Variants in TTLL11 observed in about 807,000 individuals in gnomAD.
The protein encoded by TTLL11 is tubulin polyglutamylase TTLL11.
A neutral mutation model predicts 51.7 loss-of-function variants in TTLL11; 42 were observed. The ratio of observed to expected loss-of-function variants is 0.81; its 90% CI spans 0.64 to 1.05. The LOEUF is 1.05. TTLL11 is among the 50% of genes least tolerant of loss of function. The pLI is 0.00. For synonymous variants in TTLL11, 381 were observed against 383.5 expected, an observed-to-expected ratio of 0.99 and a Z score of 0.08; for missense variants, 799 against 940.4, an observed-to-expected ratio of 0.85 and a Z score of 1.97.
chr9:121,943,068 C>T (rs140154112), intron 6 of TTLL11, among the ~76,000 whole-genome samples: 21 of 152,220 alleles, frequency 1.4e-4, no homozygotes, highest in African/African-American at 4.8e-4. Context: ...ATCACACGAT[C>T]GTGAAATGAG....
chr9:121,829,758 TTGA>T (rs1564262432), intron 8 of TTLL11, among the ~76,000 whole-genome samples: 1 of 148,244 alleles, frequency 6.7e-6, no homozygotes, highest in African/African-American at 2.5e-5. Flanking sequence ...ATGCTCGTTG[TTGA>T]TAATAATTCA....
chr9:121,870,896 G>A, intron 6 of TTLL11, 148 bp from the exon 7 acceptor site: 1 of 899,636 alleles, frequency 1.1e-6, no homozygotes. Context: ...ACCTGCCCAA[G>A]CTCACACAGC....
intron 3 of TTLL11, among the ~76,000 whole-genome samples, chr9:122,026,437 CAAAA>C (rs59569615): frequency 1.2e-4 from 9 of 74,668 alleles, no homozygotes; most frequent in Middle Eastern, 9.6e-3. Context: ...GACTCCATTT[CAAAA>C]AAAAAAAAAA....
At chr9:121,962,003 C>A (rs982860165) in intron 6 of TTLL11, among the ~76,000 whole-genome samples, 1 of 152,186 alleles carries the variant, frequency 6.6e-6, no homozygotes, top group Non-Finnish European at 1.5e-5. Flanking sequence ...TTGCAGTGAG[C>A]TGAGATCGTG....
At chr9:121,887,984 T>C (rs915212683) in intron 6 of TTLL11, among the ~76,000 whole-genome samples, 1 of 152,168 alleles carries the variant, frequency 6.6e-6, no homozygotes, top group Non-Finnish European at 1.5e-5. Context: ...AGCCTGAAGC[T>C]GCCCTGGCTA....
Position 122,093,034 on chromosome 9 carries a change from C to G in TTLL11, c.115G>C (p.Glu39Gln). 2.0e-6 allele frequency: 3 copies of G among 1,525,156 alleles called. No homozygotes were observed. The highest frequency in any genetic ancestry group is 1.2e-5 in the South Asian group (1 of 82,666). The allele number at this position is 1,525,156 out of a possible 1,614,324, so 94.5% of individuals were successfully genotyped here. The change falls in exon 1 of 9, where the codon GAA becomes CAA. Residue 39 changes from glutamate (E) to glutamine (Q), a missense_variant. By Grantham distance (29) the Glu-to-Gln change is conservative. Transcript: ENST00000321582. ...GCGCCCGCGTCCACGCGGACCTGTT[C>G]CGCCACCGTCTCCGCTGTGGCCTCG... The part of the protein sequence containing the change: ...EAEATAETVA[E>Q]QVRVDAGAAG...
rs1465376759 is a variant in TTLL11, at chr9:121,899,402, T to TATATATAC, written c.1482-28655_1482-28654insGTATATAT. ...ACATATATATATATATATATATATATACACACACACACACATTTAGAGACA... is the reference window on the plus strand; with the variant it reads ...ACATATATATATATATATATATATATATATATACACACACACACACACATTTAGAGACA... On this transcript the variant is annotated intron_variant, in intron 6 of 8. Transcript: ENST00000321582. Among the ~76,000 whole-genome samples the TATATATAC allele has an allele frequency of 8.3e-3, 685 of 82,640 alleles. 7 individuals carry two copies. Among genetic ancestry groups the TATATATAC allele is most frequent in the African/African-American group, 0.022 (632 of 28,474 alleles). The allele number at this position is 82,640 out of a possible 152,430, so 54.2% of individuals were successfully genotyped here. A position where few individuals can be genotyped will look rare whatever the true frequency, so the allele number is the denominator to read the frequency against.
At chr9:121,826,182 A>T (rs1836747720) in intron 8 of TTLL11, among the ~76,000 whole-genome samples, 1 of 49,812 alleles carries the variant, frequency 2.0e-5, no homozygotes, top group African/African-American at 9.2e-5. Context: ...ATAACCAGTA[A>T]CCTATATATA....
intron 1 of TTLL11, among the ~76,000 whole-genome samples, chr9:122,041,083 A>G (rs151250957): frequency 6.6e-6 from 1 of 152,274 alleles, no homozygotes; most frequent in African/African-American, 2.4e-5. Flanking sequence ...ATCACTCTTC[A>G]ATGCTTACCA....
rs72765907 is a variant in TTLL11 at position 121,915,152 on chromosome 9, T to C, written c.1482-44404A>G. ...CCAAGGATTCCACACTAGTGACCAC[T>C]GGACATAAAACTGGGTATTTACCCA... On this transcript the variant is annotated intron_variant, in intron 6 of 8. Transcript: ENST00000321582. Among the ~76,000 whole-genome samples the C allele has an allele frequency of 8.6e-3, 1,311 of 152,286 alleles. 10 individuals are homozygous for C. The highest frequency in any genetic ancestry group is 0.014 in the Middle Eastern group (4 of 294).
At chr9:121,885,901 G>A (rs997569327) in intron 6 of TTLL11, among the ~76,000 whole-genome samples, 1 of 152,138 alleles carries the variant, frequency 6.6e-6, no homozygotes, top group Non-Finnish European at 1.5e-5. Flanking sequence ...CCTAGTTTTG[G>A]TATCTTTAGT....
intron 6 of TTLL11, among the ~76,000 whole-genome samples, chr9:121,922,078 T>C (rs2131527481): frequency 6.6e-6 from 1 of 152,280 alleles, no homozygotes; most frequent in African/African-American, 2.4e-5. Flanking sequence ...GCTGCTGCTG[T>C]TGTTCCTCAA....
At chr9:121,934,280 C>T (rs1841110749) in intron 6 of TTLL11, among the ~76,000 whole-genome samples, 1 of 138,570 alleles carries the variant, frequency 7.2e-6, no homozygotes. Context: ...ATTCGTCCAT[C>T]TTGCGCTTTG....
intron 6 of TTLL11, among the ~76,000 whole-genome samples, chr9:121,892,133 T>TATATAC (rs1554766014): frequency 6.8e-6 from 1 of 146,894 alleles, no homozygotes; most frequent in Non-Finnish European, 1.5e-5. Flanking sequence ...CTTCTACCTT[T>TATATAC]ATATATATAC....
At chr9:121,884,213 G>C (rs921489129) in intron 6 of TTLL11, among the ~76,000 whole-genome samples, 10 of 152,096 alleles carry the variant, frequency 6.6e-5, no homozygotes, top group African/African-American at 2.2e-4. Flanking sequence ...ACAATGGCCA[G>C]ACCCACAGGG....
intron 6 of TTLL11, among the ~76,000 whole-genome samples, chr9:121,946,861 C>A (rs978403765): frequency 3.3e-5 from 5 of 152,074 alleles, no homozygotes; most frequent in African/African-American, 1.2e-4. Context: ...GCTTGAGAAC[C>A]ACTGTTTCTG....
At chr9:121,854,990 C>T (rs1422682351) in intron 8 of TTLL11, among the ~76,000 whole-genome samples, 1 of 152,116 alleles carries the variant, frequency 6.6e-6, no homozygotes, top group Non-Finnish European at 1.5e-5. Flanking sequence ...TTACTAAATT[C>T]CATCCAGCTC....
intron 6 of TTLL11, among the ~76,000 whole-genome samples, chr9:121,972,604 G>A (rs993515460): frequency 6.6e-6 from 1 of 152,230 alleles, no homozygotes; most frequent in Non-Finnish European, 1.5e-5. Context: ...CCGGGCCGGC[G>A]CCATCCAGCC....
chr9:122,062,173 T>A (rs979637566), intron 1 of TTLL11, among the ~76,000 whole-genome samples: 7 of 152,066 alleles, frequency 4.6e-5, no homozygotes, highest in Non-Finnish European at 1.0e-4. Context: ...TACCTCAGAG[T>A]GCACTGAGGG....
Sources: gnomAD v4.1 joint callset for allele counts (sites outside exome capture counted in the v4.1 genomes callset) on GRCh38, gnomAD v4.1.1 for gene constraint, MANE v1.5 for transcripts, NCBI Gene and HGNC (gene_info 2026-07-23, HGNC 2026-07-21) for gene names.